Variants in CELF2 observed in about 807,000 individuals in gnomAD.
The protein encoded by CELF2 is CUG triplet repeat RNA-binding protein 2.
Under a neutral mutation model 62.6 loss-of-function variants are expected in CELF2, and 8 were observed. That is an observed-to-expected ratio of 0.13 (90% CI 0.07 to 0.23). The LOEUF (loss-of-function observed/expected upper bound fraction) is 0.23, where lower values mean the gene tolerates loss of function less well. Among genes scored for constraint, CELF2 ranks in the 10% least tolerant of loss-of-function variants. The probability of loss-of-function intolerance (pLI) is 1.00; values close to 1 mark genes in which losing one functional copy is unlikely to be tolerated. For synonymous variants in CELF2, 258 were observed against 250.0 expected, an observed-to-expected ratio of 1.03 and a Z score of -0.30; for missense variants, 333 against 671.0, an observed-to-expected ratio of 0.50 and a Z score of 5.56.
the CELF2 span, among the ~76,000 whole-genome samples, chr10:10,729,272 T>A: frequency 3.9e-5 from 6 of 152,342 alleles, no homozygotes; most frequent in South Asian, 1.2e-3. Flanking sequence ...ACTAACAAGT[T>A]TCTAACTTTC....
At chr10:11,286,587 G>A (rs1028852904) in intron 8 of CELF2, among the ~76,000 whole-genome samples, 2 of 152,222 alleles carry the variant, frequency 1.3e-5, no homozygotes, top group African/African-American at 4.8e-5. Context: ...AGTAGGGCCA[G>A]GCAATTTGCA....
intron 2 of CELF2, among the ~76,000 whole-genome samples, chr10:11,216,838 T>A (rs1160409851): frequency 6.6e-6 from 1 of 152,242 alleles, no homozygotes; most frequent in Non-Finnish European, 1.5e-5. Context: ...GTATTGTAGC[T>A]TAATTTCTAA....
intron 9 of CELF2, among the ~76,000 whole-genome samples, chr10:11,292,856 C>T (rs1329453870): frequency 6.6e-6 from 1 of 152,228 alleles, no homozygotes; most frequent in Non-Finnish European, 1.5e-5. Flanking sequence ...CTGCGTGCCT[C>T]ATCAGCCCCT....
chr10:10,830,278 T>TAAA (rs1564684131), intron 1 of CELF2, among the ~76,000 whole-genome samples: 14 of 72,860 alleles, frequency 1.9e-4, no homozygotes, highest in East Asian at 7.8e-4. Context: ...TGGAGTTCCT[T>TAAA]TAAAAAAAAA....
the CELF2 span, among the ~76,000 whole-genome samples, chr10:10,596,733 C>T: frequency 2.0e-5 from 3 of 152,330 alleles, no homozygotes; most frequent in East Asian, 5.8e-4. Context: ...GAAGGAAAGC[C>T]GTGACCTCAG....
chr10:10,935,357 G>A lies in CELF2; in HGVS notation c.89+15358G>A, dbSNP rs1489951858. ...AACCCAAGATTCACGAGACATTGTA[G>A]CTATTCATTTTGTCACCTTGCTTCA... On this transcript the variant is annotated intron_variant, in intron 2 of 13. Coordinates refer to the CELF2 transcript ENST00000636488. 3 of 152,264 alleles carry A rather than the reference G, an allele frequency of 2.0e-5. No individual in the cohort carries two copies. The East Asian group carries it at 5.8e-4, about 29-fold the overall frequency. 9.4% of individuals were successfully genotyped at this position (152,264 alleles called of 1,614,324 possible). A position where few individuals can be genotyped will look rare whatever the true frequency, so the allele number is the denominator to read the frequency against.
chr10:10,970,615 G>A (rs2050656011), intron 2 of CELF2: 1 of 152,120 alleles, frequency 6.6e-6, no homozygotes, highest in African/African-American at 2.4e-5. Context: ...ATTACCCAAA[G>A]CACTGATTAT....
chr10:11,229,617 G>A (rs1396690385), intron 3 of CELF2, among the ~76,000 whole-genome samples: 30 of 146,324 alleles, frequency 2.1e-4, no homozygotes, highest in African/African-American at 6.1e-4. Flanking sequence ...TTTTTTTTGA[G>A]ACAGTCTCGC....
chr10:10,508,093 G>A, the CELF2 span, among the ~76,000 whole-genome samples: 4 of 152,074 alleles, frequency 2.6e-5, no homozygotes, highest in African/African-American at 9.7e-5. Context: ...ACAACTTGGG[G>A]ATACTATCTT....
chr10:10,949,667 G>A (rs913825428), intron 2 of CELF2, among the ~76,000 whole-genome samples: 3 of 151,696 alleles, frequency 2.0e-5, no homozygotes, highest in African/African-American at 7.3e-5. Flanking sequence ...CAGGCTTGGT[G>A]GCAGGCACCT....
At chr10:10,610,276 G>T in the CELF2 span, among the ~76,000 whole-genome samples, 1 of 152,172 alleles carries the variant, frequency 6.6e-6, no homozygotes, top group Non-Finnish European at 1.5e-5. Flanking sequence ...GTATCCTTAA[G>T]ATATTCATGG....
intron 1 of CELF2, among the ~76,000 whole-genome samples, chr10:10,871,412 C>A (rs1438903510): frequency 6.6e-6 from 1 of 152,152 alleles, no homozygotes. Flanking sequence ...TTTTTTAAAG[C>A]CACCTGTGAC....
At chr10:10,943,075 G>C (rs1036703669) in intron 2 of CELF2, among the ~76,000 whole-genome samples, 8 of 152,188 alleles carry the variant, frequency 5.3e-5, no homozygotes, top group African/African-American at 1.9e-4. Flanking sequence ...CCTGCTGCCT[G>C]TTAACCAACT....
rs572926635 is a variant in CELF2, at chr10:11,133,119, T to G, written c.75-32367T>G. Among the ~76,000 whole-genome samples, 7 of 152,260 alleles carry G rather than the reference T, an allele frequency of 4.6e-5. No individual in the cohort carries two copies. The East Asian group carries it at 1.3e-3, about 29-fold the overall frequency. ...CTCTACTTTAGAACGCTAGCATCAT[T>G]TCATCGTAAAATGGGAAAGCAGGAA... On this transcript the variant is annotated intron_variant, in intron 1 of 12. Coordinates refer to ENST00000633077, the MANE Select transcript of CELF2 (RefSeq NM_001326342.2).
the CELF2 span, among the ~76,000 whole-genome samples, chr10:10,580,656 T>G: frequency 6.6e-5 from 10 of 152,180 alleles, no homozygotes; most frequent in Non-Finnish European, 1.5e-4. Context: ...TAATTATGAT[T>G]TTAAGAAACT....
intron 1 of CELF2, among the ~76,000 whole-genome samples, chr10:10,866,739 G>A (rs181727784): frequency 2.6e-5 from 4 of 151,520 alleles, no homozygotes; most frequent in Admixed American, 2.0e-4. Flanking sequence ...GGCAGATCAC[G>A]GTAAAACCCC....
intron 1 of CELF2, among the ~76,000 whole-genome samples, chr10:10,908,813 A>G (rs2063563377): frequency 6.6e-6 from 1 of 152,134 alleles, no homozygotes; most frequent in Non-Finnish European, 1.5e-5. Flanking sequence ...TTTGAGATGT[A>G]GTCTTGCCCT....
intron 1 of CELF2, among the ~76,000 whole-genome samples, chr10:11,072,139 A>G (rs1014555579): frequency 1.3e-5 from 2 of 152,190 alleles, no homozygotes; most frequent in African/African-American, 4.8e-5. Context: ...GAGGTCGAGC[A>G]ACATTCTTTT....
At chr10:11,044,723 A>C (rs1365062998) in intron 1 of CELF2, among the ~76,000 whole-genome samples, 1 of 152,214 alleles carries the variant, frequency 6.6e-6, no homozygotes, top group Admixed American at 6.5e-5. Flanking sequence ...TACTATTGTA[A>C]TATTATAATA....
Sources: gnomAD v4.1 joint callset for allele counts (sites outside exome capture counted in the v4.1 genomes callset) on GRCh38, gnomAD v4.1.1 for gene constraint, MANE v1.5 for transcripts, NCBI Gene and HGNC (gene_info 2026-07-23, HGNC 2026-07-21) for gene names.